Variants in TULP4 observed in about 807,000 individuals in gnomAD.
TULP4 encodes tubby-related protein 4.
A neutral mutation model predicts 129.0 loss-of-function variants in TULP4; 16 were observed. That is an observed-to-expected ratio of 0.12 (90% CI 0.08 to 0.19). The LOEUF (loss-of-function observed/expected upper bound fraction) is 0.19. TULP4 is among the 10% of genes least tolerant of loss of function. The probability of loss-of-function intolerance (pLI) is 1.00; values close to 1 mark genes in which losing one functional copy is unlikely to be tolerated. For missense variants in TULP4, 1,842 were observed against 2,059.1 expected (o/e 0.89, Z 2.04); for synonymous variants, 998 against 854.0 (o/e 1.17, Z -2.94).
upstream of TULP4, among the ~76,000 whole-genome samples, chr6:158,278,492 T>C (rs1778685276): frequency 6.6e-6 from 1 of 152,160 alleles, no homozygotes; most frequent in South Asian, 2.1e-4. Flanking sequence ...CTCATGTTGA[T>C]TAAATTGATC....
intron 1 of TULP4, among the ~76,000 whole-genome samples, chr6:158,382,255 C>G (rs76901622): frequency 1.1e-3 from 169 of 152,302 alleles, no homozygotes; most frequent in African/African-American, 4.0e-3. Flanking sequence ...CTGTATCTGT[C>G]TATTTTGTTT....
chr6:158,266,514 C>G (rs1288161967), intron 1 of TULP4, among the ~76,000 whole-genome samples: 1 of 152,136 alleles, frequency 6.6e-6, no homozygotes, highest in Non-Finnish European at 1.5e-5. Flanking sequence ...TCTTGGCCTC[C>G]CAAAATGCTG....
At chr6:158,449,407 A>C (rs188445129) in intron 4 of TULP4, among the ~76,000 whole-genome samples, 227 of 152,198 alleles carry the variant, frequency 1.5e-3, no homozygotes, top group African/African-American at 5.2e-3. Flanking sequence ...AATTGATTAC[A>C]CTTAATTCGC....
rs373934513 is a variant in TULP4, at chr6:158,454,018, A to ACTCCCCC, written c.859+1751_859+1752insTCCCCCC. ...TGGCAAGAATCATACCTGCCTCTGC[A>ACTCCCCC]CCGCCCCCCCCCAAGTAATTACTCT... On this transcript the variant is annotated intron_variant, in intron 5 of 13. Transcript: ENST00000367097. Among the ~76,000 whole-genome samples the ACTCCCCC allele has an allele frequency of 3.9e-4, 45 of 114,614 alleles. 1 individual carries two copies. The highest frequency in any genetic ancestry group is 5.9e-4 in the Non-Finnish European group (33 of 55,484). The allele number at this position is 114,614 out of a possible 152,430, so 75.2% of individuals were successfully genotyped here.
upstream of TULP4, among the ~76,000 whole-genome samples, chr6:158,277,411 A>G (rs553093310): frequency 4.9e-4 from 75 of 152,372 alleles, no homozygotes; most frequent in African/African-American, 1.8e-3. Flanking sequence ...AATGACTTTT[A>G]CAGATTAGCC....
In TULP4 at chr6:158,502,797, C is replaced by G. The variant is rs1429797694; in HGVS notation, c.3134C>G (p.Pro1045Arg). The G allele has an allele frequency of 6.2e-7, 1 of 1,610,556 alleles. No homozygotes were observed. The highest frequency in any genetic ancestry group is 8.5e-7 in the Non-Finnish European group (1 of 1,179,672). ...TGCAGTCAGTGCAGTGGCACAGGGC[C>G]CAGCTCACAGCCCGGAGCCTCCCTG... is the stretch of plus-strand genomic sequence containing the variant. ...YTCSQCSGTG[P>R]SSQPGASLAH... The change falls in exon 13 of 14, where the codon CCC becomes CGC. Residue 1045 changes from proline (P) to arginine (R), a missense_variant. Physicochemically the swap from Pro to Arg is moderately radical, Grantham distance 103. Coordinates refer to ENST00000367097, the MANE Select transcript of TULP4 (RefSeq NM_020245.5).
chr6:158,384,343 A>G (rs1444339385), intron 1 of TULP4, among the ~76,000 whole-genome samples: 4 of 147,642 alleles, frequency 2.7e-5, no homozygotes, highest in Admixed American at 2.1e-4. Flanking sequence ...GCTGGAGTGC[A>G]GTGGCACTAT....
upstream of TULP4, among the ~76,000 whole-genome samples, chr6:158,309,389 C>T (rs1334592853): frequency 4.1e-5 from 6 of 147,598 alleles, no homozygotes; most frequent in East Asian, 2.1e-4. Context: ...CGGGCAGAGA[C>T]GCTCCTCACT....
chr6:158,479,112 C>A (rs1187763153), intron 6 of TULP4, among the ~76,000 whole-genome samples: 1 of 152,156 alleles, frequency 6.6e-6, no homozygotes, highest in African/African-American at 2.4e-5. Flanking sequence ...CCAGGTCACA[C>A]AGCTGGTAAG....
intron 1 of TULP4, among the ~76,000 whole-genome samples, chr6:158,351,914 G>A (rs1276598087): frequency 1.3e-5 from 2 of 151,642 alleles, no homozygotes; most frequent in Non-Finnish European, 2.9e-5. Flanking sequence ...TAGAGACAGG[G>A]TTTCACCATG....
rs1272235597 is a variant in TULP4, at chr6:158,290,082, G to A, written n.116+7704G>A. Among the ~76,000 whole-genome samples, 7 of 151,334 alleles carry A rather than the reference G, an allele frequency of 4.6e-5. No homozygotes were observed. In the South Asian group the frequency reaches 1.3e-3, roughly 27 times the overall value. The stretch of plus-strand genomic sequence containing the variant: ...CTCTTGTGTAGCTGGGACCATAGGC[G>A]CATGCCACCATGCTGGCTAATTTTA... On this transcript the variant is annotated intron_variant and non_coding_transcript_variant, in intron 1 of 1. Coordinates refer to the TULP4 transcript ENST00000432358.
Position 158,242,396 on chromosome 6 carries a change from A to T in TULP4, n.68+10093A>T, listed in dbSNP as rs146498309. On this transcript the variant is annotated intron_variant and non_coding_transcript_variant, in intron 1 of 1. Transcript: ENST00000620026. ...AAGGGTTTGTTTTCCTCTCCTCATCATAAGCATCGTGGGAGTTTCGGACGA... is the reference window on the plus strand; with the variant it reads ...AAGGGTTTGTTTTCCTCTCCTCATCTTAAGCATCGTGGGAGTTTCGGACGA... 231 of 1,457,166 alleles carry T rather than the reference A, an allele frequency of 1.6e-4. 4 individuals carry two copies. The Middle Eastern group carries it at 3.6e-3, about 22-fold the overall frequency. The allele number at this position is 1,457,166 out of a possible 1,614,324, so 90.3% of individuals were successfully genotyped here. A position where few individuals can be genotyped will look rare whatever the true frequency, so the allele number is the denominator to read the frequency against.
chr6:158,344,155 A>G (rs1158935396), intron 1 of TULP4, among the ~76,000 whole-genome samples: 1 of 152,124 alleles, frequency 6.6e-6, no homozygotes, highest in African/African-American at 2.4e-5. Flanking sequence ...TCTTTGTGAG[A>G]TCCACCCCCT....
At chr6:158,486,384 T>G (rs1028857865) in intron 8 of TULP4, among the ~76,000 whole-genome samples, 10 of 152,064 alleles carry the variant, frequency 6.6e-5, no homozygotes, top group African/African-American at 2.2e-4. Context: ...AAACCCCATC[T>G]CTACTAAAAA....
chr6:158,316,655 G>C (rs373328417), intron 1 of TULP4, among the ~76,000 whole-genome samples: 4 of 151,990 alleles, frequency 2.6e-5, no homozygotes, highest in Non-Finnish European at 5.9e-5. Flanking sequence ...AGACTTGGTG[G>C]CTTAAAACGT....
At chr6:158,323,397 A>C (rs996631646) in intron 1 of TULP4, among the ~76,000 whole-genome samples, 1 of 152,194 alleles carries the variant, frequency 6.6e-6, no homozygotes, top group African/African-American at 2.4e-5. Flanking sequence ...TAGTCGTTTG[A>C]AAAGTTACAT....
In TULP4 at chr6:158,481,271, C is replaced by T. The variant is rs201805785; in HGVS notation, c.1468C>T (p.Arg490Trp). The T allele has an allele frequency of 1.5e-5, 25 of 1,613,870 alleles. No homozygotes were observed. Among genetic ancestry groups the T allele is most frequent in the East Asian group, 6.7e-5 (3 of 44,876 alleles). ...LRPEFVIMDP[R>W]TDSKPDEIYG... Reference sequence around the variant, plus strand: ...GCCAGAGTTCGTCATCATGGACCCGCGGACAGATAGCAAACCAGGTGGGCC... The same window carrying T: ...GCCAGAGTTCGTCATCATGGACCCGTGGACAGATAGCAAACCAGGTGGGCC... The change falls in exon 8 of 14, where the codon CGG (arginine) becomes TGG (tryptophan). Residue 490 changes from arginine to tryptophan, a missense_variant. By Grantham distance (101) the Arg-to-Trp change is moderately radical (BLOSUM62 -3). This residue lies in a region of TULP4 where 456 missense variants were observed against 534.3 expected (regional missense o/e 0.85). Transcript: ENST00000367097.
At chr6:158,440,686 T>C (rs1033369615) in intron 3 of TULP4, among the ~76,000 whole-genome samples, 3 of 152,220 alleles carry the variant, frequency 2.0e-5, no homozygotes, top group African/African-American at 7.2e-5. Flanking sequence ...AATGAATTGC[T>C]CAGGAAAGAA....
chr6:158,472,349 A>G (rs888707618), intron 6 of TULP4, among the ~76,000 whole-genome samples: 2 of 152,208 alleles, frequency 1.3e-5, no homozygotes, highest in Non-Finnish European at 2.9e-5. Flanking sequence ...AATAAGAGAA[A>G]AGGCCCTGAC....
Sources: allele counts gnomAD v4.1 joint callset (sites outside exome capture counted in the v4.1 genomes callset), GRCh38; gene constraint gnomAD v4.1.1; regional missense constraint gnomAD v4.1.1; transcripts MANE v1.5; gene names NCBI Gene and HGNC (gene_info 2026-07-23, HGNC 2026-07-21).